The following AGAP1 variants were observed in gnomAD, a reference collection of about 807,000 sequenced individuals.
AGAP1 encodes ArfGAP with GTPase domain, ankyrin repeat and PH domain 1, also known as arf-GAP with GTPase, ANK repeat and PH domain-containing protein 1.
AGAP1 carries 29 observed loss-of-function variants against 105.3 expected under a neutral mutation model. That is an observed-to-expected ratio of 0.28 (90% CI 0.21 to 0.38). The LOEUF is 0.38. AGAP1 is among the 10% of genes least tolerant of loss of function. The pLI, the probability that AGAP1 is intolerant of heterozygous loss-of-function variation, is 1.00. For synonymous variants in AGAP1, 509 were observed against 485.9 expected (o/e 1.05, Z -0.63); for missense variants, 998 against 1,165.1 (o/e 0.86, Z 2.09).
chr2:236,088,369 A>G (rs2058981888), intron 16 of AGAP1, among the ~76,000 whole-genome samples: 1 of 152,264 alleles, frequency 6.6e-6, no homozygotes, highest in African/African-American at 2.4e-5. Flanking sequence ...CCCATTAAGC[A>G]TCTGGAGTTT....
chr2:235,902,204 G>A (rs992012837), intron 10 of AGAP1, among the ~76,000 whole-genome samples: 4 of 152,108 alleles, frequency 2.6e-5, no homozygotes, highest in Non-Finnish European at 5.9e-5. Flanking sequence ...AGTATCTCAC[G>A]TTACACAGAT....
rs2060068007 is a variant in AGAP1 at position 236,130,454 on chromosome 2, AC to A, written c.*6337del. The stretch of plus-strand genomic sequence containing the variant: ...TTGGGGAATCTTCCCAGTGGAGCAA[AC>A]CCCCTTAACACACCAGCTGTTGGGA... On this transcript the variant is annotated 3_prime_UTR_variant, in exon 18 of 18. Transcript: ENST00000304032. This position sits in a 1 kb window ranked among gnomAD's most constrained non-coding sequence, Gnocchi z 5.8. 6.6e-6 allele frequency: 1 copy of A among 152,070 alleles called. No homozygotes were observed. Among genetic ancestry groups the A allele is most frequent in the Admixed American group, 6.6e-5 (1 of 15,266 alleles). The allele number at this position is 152,070 out of a possible 1,614,324, so 9.4% of individuals were successfully genotyped here.
Position 236,076,200 on chromosome 2 carries a change from AG to A in AGAP1, c.2114+26920del, listed in dbSNP as rs2058631569. ...CGCCGTGGCTCATGCCTGTAATCCC[AG>A]CACTTTGAGAGGCCAAAGTGGGTGG... On this transcript the variant is annotated intron_variant, in intron 16 of 17. Coordinates refer to ENST00000304032, the MANE Select transcript of AGAP1 (RefSeq NM_001037131.3). The surrounding 1 kb of genome is among the most constrained non-coding windows in gnomAD (Gnocchi z 4.4). Among the ~76,000 whole-genome samples the A allele has an allele frequency of 6.6e-6, 1 of 152,232 alleles. No individual in the cohort carries two copies. The highest frequency in any genetic ancestry group is 6.5e-5 in the Admixed American group (1 of 15,274).
chr2:235,697,828 C>A (rs1034849118), intron 1 of AGAP1, among the ~76,000 whole-genome samples: 1 of 152,190 alleles, frequency 6.6e-6, no homozygotes, highest in African/African-American at 2.4e-5. Context: ...GACAGAAACT[C>A]AGCATATGAA....
chr2:236,008,961 C>T (rs544200087), intron 13 of AGAP1, among the ~76,000 whole-genome samples: 3 of 152,280 alleles, frequency 2.0e-5, no homozygotes, highest in Non-Finnish European at 2.9e-5. Context: ...AAACTGATCA[C>T]GGCAAAGTTA....
At chr2:235,524,520 G>GAC (rs1942754717) in intron 1 of AGAP1, 1 of 341,682 alleles carries the variant, frequency 2.9e-6, no homozygotes, top group Admixed American at 3.7e-5. Context: ...AGGCCACGGG[G>GAC]CTGCACCCAG....
At position 235,927,837 on chromosome 2, in the gene AGAP1, A is replaced by T. The variant is rs2317019; in HGVS notation, c.1325-2928A>T. Among the ~76,000 whole-genome samples the T allele has an allele frequency of 0.31, 46,641 of 152,164 alleles. 8,058 individuals are homozygous for T. The highest frequency in any genetic ancestry group is 0.43 in the East Asian group (2,225 of 5,170). ...GTGCCATGTTGTCATCGTTGTCCCA[A>T]AGATGGAGGGACAGACAGACACAGT... On this transcript the variant is annotated intron_variant, in intron 11 of 17. Coordinates refer to ENST00000304032, the MANE Select transcript of AGAP1 (RefSeq NM_001037131.3). The surrounding 1 kb of genome is among the most constrained non-coding windows in gnomAD (Gnocchi z 4.4).
rs2049519508 is a variant in AGAP1 at position 235,872,975 on chromosome 2, C to A, written c.1051-10370C>A. Among the ~76,000 whole-genome samples the A allele has an allele frequency of 6.6e-6, 1 of 152,190 alleles. No homozygotes were observed. The highest frequency in any genetic ancestry group is 2.4e-5 in the African/African-American group (1 of 41,446). On this transcript the variant is annotated intron_variant, in intron 9 of 17. Coordinates refer to ENST00000304032, the MANE Select transcript of AGAP1 (RefSeq NM_001037131.3). This position sits in a 1 kb window ranked among gnomAD's most constrained non-coding sequence, Gnocchi z 4.5. ...CCTGAAAGTCCCCACTGGCTCAGTG[C>A]AGCTCTGGAATTAGGAACCAGCCGT... is the stretch of plus-strand genomic sequence containing the variant.
intron 8 of AGAP1, among the ~76,000 whole-genome samples, chr2:235,802,189 A>G (rs899219636): frequency 3.3e-5 from 5 of 152,174 alleles, no homozygotes; most frequent in African/African-American, 1.2e-4. Context: ...AGGGTGAAGG[A>G]GAAGGGGCTC....
intron 1 of AGAP1, among the ~76,000 whole-genome samples, chr2:235,508,343 A>G (rs567569959): frequency 7.7e-4 from 117 of 152,334 alleles, no homozygotes; most frequent in Non-Finnish European, 1.4e-3. Context: ...GTTTTAGTAA[A>G]GTAGAAAAGG....
At chr2:235,591,595 G>A (rs1461472905) in intron 1 of AGAP1, among the ~76,000 whole-genome samples, 1 of 152,070 alleles carries the variant, frequency 6.6e-6, no homozygotes, top group African/African-American at 2.4e-5. Flanking sequence ...TCACTGATGT[G>A]GTTTGGATGA....
At chr2:235,671,955 G>A (rs752152741) in intron 1 of AGAP1, among the ~76,000 whole-genome samples, 6 of 152,192 alleles carry the variant, frequency 3.9e-5, no homozygotes, top group Non-Finnish European at 8.8e-5. Context: ...GGGGGTGGAA[G>A]TGGTGCTAGA....
At chr2:235,941,359 A>C (rs2053248771) in intron 12 of AGAP1, among the ~76,000 whole-genome samples, 1 of 152,200 alleles carries the variant, frequency 6.6e-6, no homozygotes, top group Admixed American at 6.5e-5. Context: ...TTTAGTCCAC[A>C]AGTATTTATT....
intron 1 of AGAP1, among the ~76,000 whole-genome samples, chr2:235,707,505 A>G (rs115670123): frequency 0.1 from 7,637 of 73,176 alleles, 1,138 homozygotes; most frequent in African/African-American, 0.32. Context: ...CACACTGGGC[A>G]GATGTGCCCC....
At position 235,577,422 on chromosome 2, in the gene AGAP1, A is replaced by G. The variant is rs1287031931; in HGVS notation, c.163+82573A>G. On this transcript the variant is annotated intron_variant, in intron 1 of 17. Transcript: ENST00000304032. The surrounding 1 kb of genome is among the most constrained non-coding windows in gnomAD (Gnocchi z 4.5). ...GCCTTAGGGTTTTGATTAAAACCCCATTCTCTTGACCTTCTGCCCAAAGCC... is the reference window on the plus strand; with the variant it reads ...GCCTTAGGGTTTTGATTAAAACCCCGTTCTCTTGACCTTCTGCCCAAAGCC... 2.0e-5 allele frequency among the ~76,000 whole-genome samples: 3 copies of G among 152,164 alleles called. No individual in the cohort carries two copies. The East Asian group carries it at 5.8e-4, about 29-fold the overall frequency.
chr2:235,726,425 T>G (rs1951648600), intron 3 of AGAP1, among the ~76,000 whole-genome samples: 1 of 152,244 alleles, frequency 6.6e-6, no homozygotes, highest in Non-Finnish European at 1.5e-5. Flanking sequence ...CCTAGAAAGT[T>G]TCACGTATGT....
intron 6 of AGAP1, among the ~76,000 whole-genome samples, chr2:235,780,893 T>G (rs1031715425): frequency 2.0e-5 from 3 of 152,206 alleles, no homozygotes; most frequent in African/African-American, 7.2e-5. Flanking sequence ...AGGTGGTTTA[T>G]AAGTGTGGGA....
At position 235,712,189 on chromosome 2, in the gene AGAP1, A is replaced by G. The variant is rs1034923269; in HGVS notation, c.222+2952A>G. Among the ~76,000 whole-genome samples the G allele has an allele frequency of 2.6e-5, 4 of 151,966 alleles. No homozygotes were observed. The highest frequency in any genetic ancestry group is 9.7e-5 in the African/African-American group (4 of 41,358). On this transcript the variant is annotated intron_variant, in intron 2 of 17. Transcript: ENST00000304032. The surrounding 1 kb of genome is among the most constrained non-coding windows in gnomAD (Gnocchi z 6.0). Reference sequence around the variant, plus strand: ...AGGCACCCACCACCACATCTGGCTAATTTTTTATTTTTAGTAGACAAGATT... The same window carrying G: ...AGGCACCCACCACCACATCTGGCTAGTTTTTTATTTTTAGTAGACAAGATT...
intron 4 of AGAP1, among the ~76,000 whole-genome samples, chr2:235,743,870 A>T (rs893127829): frequency 6.6e-6 from 1 of 152,254 alleles, no homozygotes; most frequent in African/African-American, 2.4e-5. Context: ...CGCTGGTTGC[A>T]GTGAGTGTGG....
Sources: gnomAD v4.1 joint callset for allele counts (sites outside exome capture counted in the v4.1 genomes callset) on GRCh38, gnomAD v4.1.1 for gene constraint, Gnocchi (gnomAD v3.1) non-coding constraint, MANE v1.5 for transcripts, NCBI Gene and HGNC (gene_info 2026-07-23, HGNC 2026-07-21) for gene names.